The following GNAQ variants were observed in gnomAD, a reference collection of about 807,000 sequenced individuals.
GNAQ encodes guanine nucleotide-binding protein G(q) subunit alpha.
In GNAQ, 8 loss-of-function variants were observed where a neutral mutation model predicts 43.9. That is an observed-to-expected ratio of 0.18 (90% CI 0.11 to 0.33). The LOEUF (loss-of-function observed/expected upper bound fraction) is 0.33, where lower values mean the gene tolerates loss of function less well. GNAQ is among the 10% of genes least tolerant of loss of function. GNAQ has a pLI of 1.00. For missense variants in GNAQ, 158 were observed against 450.8 expected (o/e 0.35, Z 5.88); for synonymous variants, 155 against 170.7 (o/e 0.91, Z 0.71).
intron 3 of GNAQ, among the ~76,000 whole-genome samples, chr9:77,806,971 G>T (rs1352679349): frequency 1.3e-5 from 2 of 152,236 alleles, no homozygotes; most frequent in Non-Finnish European, 2.9e-5. Flanking sequence ...ACTGATTTAA[G>T]TGGGTCTCCC....
chr9:77,966,389 T>C (rs1823168032), intron 1 of GNAQ, among the ~76,000 whole-genome samples: 2 of 152,224 alleles, frequency 1.3e-5, no homozygotes, highest in South Asian at 4.1e-4. Context: ...CAATGTAAAT[T>C]CTATTTTACT....
At chr9:77,877,379 C>T (rs1828141286) in intron 2 of GNAQ, among the ~76,000 whole-genome samples, 1 of 152,088 alleles carries the variant, frequency 6.6e-6, no homozygotes, top group African/African-American at 2.4e-5. Flanking sequence ...CTTCACCACC[C>T]CATGTAATGA....
intron 2 of GNAQ, among the ~76,000 whole-genome samples, chr9:77,878,518 G>A (rs950002324): frequency 2.0e-5 from 3 of 151,904 alleles, no homozygotes; most frequent in Non-Finnish European, 4.4e-5. Context: ...TATATAAAAT[G>A]CCAATGCACT....
At chr9:77,887,864 C>T (rs1445256613) in intron 2 of GNAQ, among the ~76,000 whole-genome samples, 1 of 152,138 alleles carries the variant, frequency 6.6e-6, no homozygotes. Flanking sequence ...TTGTCCACAC[C>T]CTTTCAATAA....
rs551094518 is a variant in GNAQ, at chr9:77,760,896, G to A, written c.736-32229C>T. Among the ~76,000 whole-genome samples the A allele has an allele frequency of 1.3e-4, 20 of 148,574 alleles. No individual in the cohort carries two copies. The East Asian group carries it at 3.7e-3, about 28-fold the overall frequency. On this transcript the variant is annotated intron_variant, in intron 5 of 6. Coordinates refer to ENST00000286548, the MANE Select transcript of GNAQ (RefSeq NM_002072.5). The stretch of plus-strand genomic sequence containing the variant: ...ATGTGAGGAGTGCCTCTGCCCGGTC[G>A]CGACCCCGTCTGGGAGGTGAGGAGC...
At chr9:77,820,185 C>T (rs1384748744) in intron 2 of GNAQ, among the ~76,000 whole-genome samples, 1 of 151,652 alleles carries the variant, frequency 6.6e-6, no homozygotes, top group African/African-American at 2.4e-5. Flanking sequence ...TCACTGAAGC[C>T]TAAATTTGCT....
At chr9:77,915,643 C>T (rs576412305) in intron 2 of GNAQ, among the ~76,000 whole-genome samples, 17 of 32,468 alleles carry the variant, frequency 5.2e-4, no homozygotes, top group Non-Finnish European at 9.8e-4. Flanking sequence ...TTGAAGCTGG[C>T]GGGGGTGGGG....
At chr9:77,838,767 C>A (rs561725927) in intron 2 of GNAQ, among the ~76,000 whole-genome samples, 1 of 152,094 alleles carries the variant, frequency 6.6e-6, no homozygotes, top group African/African-American at 2.4e-5. Context: ...GATTTGTCTA[C>A]AAAGAGCTAC....
intron 1 of GNAQ, among the ~76,000 whole-genome samples, chr9:77,967,326 C>A (rs1191788891): frequency 6.6e-6 from 1 of 152,130 alleles, no homozygotes; most frequent in East Asian, 1.9e-4. Flanking sequence ...ATCACCTGCA[C>A]AACTATTAGG....
intron 1 of GNAQ, among the ~76,000 whole-genome samples, chr9:77,987,040 C>T (rs150517643): frequency 7.1e-4 from 108 of 152,166 alleles, no homozygotes; most frequent in African/African-American, 2.3e-3. Context: ...ATTAAAGGTG[C>T]AAACTGGTTA....
intron 2 of GNAQ, among the ~76,000 whole-genome samples, chr9:77,825,404 T>G (rs910753546): frequency 1.3e-5 from 2 of 152,138 alleles, no homozygotes; most frequent in Non-Finnish European, 2.9e-5. Context: ...CTCACAGAAG[T>G]GTGGTGTCTT....
intron 1 of GNAQ, among the ~76,000 whole-genome samples, chr9:78,001,016 A>T (rs981952762): frequency 1.3e-5 from 2 of 152,222 alleles, no homozygotes; most frequent in African/African-American, 4.8e-5. Flanking sequence ...TCTGACAGAA[A>T]ACAGCAAATA....
intron 1 of GNAQ, among the ~76,000 whole-genome samples, chr9:77,986,968 C>T (rs1001449809): frequency 6.6e-6 from 1 of 152,052 alleles, no homozygotes; most frequent in African/African-American, 2.4e-5. Context: ...ATGCTTAGCA[C>T]AGCACCTGCA....
intron 2 of GNAQ, among the ~76,000 whole-genome samples, chr9:77,905,550 T>C (rs1482913525): frequency 6.6e-6 from 1 of 152,164 alleles, no homozygotes; most frequent in African/African-American, 2.4e-5. Context: ...GGCTGTAATA[T>C]TTTACACTGT....
chr9:78,007,021 C>T (rs1282583115), intron 1 of GNAQ, among the ~76,000 whole-genome samples: 1 of 152,204 alleles, frequency 6.6e-6, no homozygotes, highest in Non-Finnish European at 1.5e-5. Context: ...GTTCTTCCCA[C>T]TGTGCAATCT....
intron 1 of GNAQ, among the ~76,000 whole-genome samples, chr9:77,950,501 C>T (rs1471066412): frequency 6.6e-6 from 1 of 152,170 alleles, no homozygotes; most frequent in Non-Finnish European, 1.5e-5. Flanking sequence ...AACCTATTGC[C>T]CATCTACTAA....
chr9:77,773,678 G>A (rs1416147158), intron 5 of GNAQ, among the ~76,000 whole-genome samples: 6 of 152,158 alleles, frequency 3.9e-5, no homozygotes, highest in African/African-American at 1.2e-4. Context: ...TTAAAGTGAC[G>A]ATTCACATTA....
chr9:77,724,698 G>C lies in GNAQ; in HGVS notation c.890-3185C>G, dbSNP rs771607161. On this transcript the variant is annotated intron_variant, in intron 6 of 6. Coordinates refer to ENST00000286548, the MANE Select transcript of GNAQ (RefSeq NM_002072.5). ...TTATATCTGATAATGCCAGAAGATG[G>C]GAGGAAAGAATTATAAAAACAAATA... Among the ~76,000 whole-genome samples, 115 of 152,044 alleles carry C rather than the reference G, an allele frequency of 7.6e-4. 1 individual carries two copies. Among genetic ancestry groups the C allele is most frequent in the Non-Finnish European group, 6.2e-4 (42 of 68,014 alleles).
At position 77,719,499 on chromosome 9, in the gene GNAQ, G is replaced by A; in HGVS notation, c.*1824C>T. On this transcript the variant is annotated 3_prime_UTR_variant, in exon 7 of 7. Coordinates refer to ENST00000286548, the MANE Select transcript of GNAQ (RefSeq NM_002072.5). ...TCAAGGATGAGAACATCTCATTACT[G>A]TTGGGCGGCTTTGGTACTCATTTAA... 1 of 232,682 alleles carries A rather than the reference G, an allele frequency of 4.3e-6. No homozygotes were observed. The highest frequency in any genetic ancestry group is 6.1e-5 in the East Asian group (1 of 16,506). The allele number at this position is 232,682 out of a possible 1,614,324, so 14.4% of individuals were successfully genotyped here. A position where few individuals can be genotyped will look rare whatever the true frequency, so the allele number is the denominator to read the frequency against.
Sources: allele counts gnomAD v4.1 joint callset (sites outside exome capture counted in the v4.1 genomes callset), GRCh38; gene constraint gnomAD v4.1.1; transcripts MANE v1.5; gene names NCBI Gene and HGNC (gene_info 2026-07-23, HGNC 2026-07-21).